GIGYF1: variants seen among roughly 807,000 people sequenced by gnomAD.
GIGYF1 encodes the protein GRB10-interacting GYF protein 1.
In GIGYF1, 84 loss-of-function variants were observed where a neutral mutation model predicts 147.1. The ratio of observed to expected loss-of-function variants is 0.57; its 90% confidence interval spans 0.48 to 0.68. GIGYF1 has a LOEUF of 0.68. Ranked by LOEUF, GIGYF1 falls within the 30% of genes least tolerant of loss-of-function variation. GIGYF1 has a pLI of 0.00. For synonymous variants in GIGYF1, 752 were observed against 589.5 expected, an observed-to-expected ratio of 1.28 and a Z score of -3.99; for missense variants, 1,485 against 1,393.7, an observed-to-expected ratio of 1.07 and a Z score of -1.04.
chr7:100,692,102 C>A (rs1447266298), intron 1 of GIGYF1, among the ~76,000 whole-genome samples: 1 of 152,258 alleles, frequency 6.6e-6, no homozygotes, highest in African/African-American at 2.4e-5. Flanking sequence ...ACTGGAACAA[C>A]CGCCCAGCCC....
chr7:100,684,576 G>T lies in GIGYF1; in HGVS notation c.1503C>A (p.Ala501=). The change falls in exon 16 of 27, where the codon GCC becomes GCA. Residue 501 remains alanine (A), a synonymous_variant. Transcript: ENST00000678049. ...TTQEMAEWFQ[A]GYFSMSLLVK... ...CCAGCAGTGACATGGAAAAGTAGCC[G>T]GCCTGGAACCACTCTGCCATCTCCT... 1 of 1,614,176 alleles carries T rather than the reference G, an allele frequency of 6.2e-7. No homozygotes were observed. Among genetic ancestry groups the T allele is most frequent in the Non-Finnish European group, 8.5e-7 (1 of 1,180,032 alleles).
chr7:100,692,828 A>T (rs1249064958), intron 1 of GIGYF1, among the ~76,000 whole-genome samples: 1 of 152,220 alleles, frequency 6.6e-6, no homozygotes, highest in East Asian at 1.9e-4. Flanking sequence ...GGGGACCAAG[A>T]CCTACAATCT....
rs1253024932 is a variant in GIGYF1, at chr7:100,681,018, CCAGAGA to C, written c.*695_*700del. On this transcript the variant is annotated 3_prime_UTR_variant, in exon 27 of 27. Coordinates refer to ENST00000678049, the MANE Select transcript of GIGYF1 (RefSeq NM_001375765.1). ...CTACTCGGCCAGCACAAGATGGCAG[CCAGAGA>C]GCTGGGGCCACTCGTCCAATTTGTG... 2 of 152,684 alleles carry C rather than the reference CCAGAGA, an allele frequency of 1.3e-5. No homozygotes were observed. The highest frequency in any genetic ancestry group is 2.9e-5 in the Non-Finnish European group (2 of 68,100). The allele number at this position is 152,684 out of a possible 1,614,324, so 9.5% of individuals were successfully genotyped here. A position where few individuals can be genotyped will look rare whatever the true frequency, so the allele number is the denominator to read the frequency against.
intron 1 of GIGYF1, among the ~76,000 whole-genome samples, chr7:100,690,781 C>CGA (rs1278735888): frequency 2.1e-5 from 2 of 93,606 alleles, no homozygotes; most frequent in African/African-American, 9.0e-5. Context: ...GACTCTGTCT[C>CGA]AAAAAAAAAA....
At chr7:100,683,503 G>C in intron 20 of GIGYF1, 47 bp downstream of exon 20, 1 of 1,613,512 alleles carries the variant, frequency 6.2e-7, no homozygotes, top group Non-Finnish European at 8.5e-7. Context: ...GGCCTGCCTC[G>C]GTCCACCCTT....
intron 6 of GIGYF1, 48 bp from the exon 7 acceptor site, chr7:100,687,664 C>A (rs1328701058): frequency 6.8e-7 from 1 of 1,479,756 alleles, no homozygotes; most frequent in East Asian, 2.4e-5. Flanking sequence ...CACCCAACCA[C>A]CTCCACCCCC....
At chr7:100,685,524 C>T in intron 12 of GIGYF1, 43 bp from the exon 13 acceptor site, 1 of 1,581,912 alleles carries the variant, frequency 6.3e-7, no homozygotes, top group Non-Finnish European at 8.5e-7. Context: ...AAGGGCTGGG[C>T]CTGCCACGCG....
rs1208190703 is a variant in GIGYF1 at position 100,683,081 on chromosome 7, G to A, written c.2343C>T (p.Gly781=). ...MKTLLELQLE[G]ERQLHKQPPP... is the part of the protein sequence containing the mutation. The stretch of plus-strand genomic sequence containing the variant: ...GGGGCTGTTTGTGCAGCTGCCGCTC[G>A]CCCTCCAGCTGCAACTCCAGGAGCG... Residue 781 remains glycine, a synonymous_variant, in exon 22 of 27, where the codon GGC becomes GGT. Transcript: ENST00000678049. The A allele has an allele frequency of 8.8e-6, 14 of 1,583,386 alleles. No individual in the cohort carries two copies. Among genetic ancestry groups the A allele is most frequent in the Admixed American group, 1.7e-5 (1 of 57,628 alleles).
At position 100,681,948 on chromosome 7, in the gene GIGYF1, T is replaced by G; in HGVS notation, c.2971A>C (p.Asn991His). Residue 991 changes from asparagine (N) to histidine (H), a missense_variant, in exon 26 of 27, where the codon AAC becomes CAC. Asn to His is a moderately conservative substitution (Grantham distance 68). Transcript: ENST00000678049. The part of the protein sequence containing the change: ...SASLQTAFQA[N>H]HSTKLGPGEG... ...CCGGGGCCGAGTTTGGTGCTGTGGT[T>G]GGCCTGGAAGGCCGTCTGCAGCGAG... 6.2e-7 allele frequency: 1 copy of G among 1,609,776 alleles called. No individual in the cohort carries two copies. The highest frequency in any genetic ancestry group is 8.5e-7 in the Non-Finnish European group (1 of 1,179,934).
At chr7:100,686,606 G>A (rs763187817) in intron 10 of GIGYF1, 43 bp downstream of exon 10, 4 of 1,570,202 alleles carry the variant, frequency 2.5e-6, no homozygotes, top group African/African-American at 1.4e-5. Context: ...TACAGTTCCT[G>A]CTCCCCACTG....
chr7:100,686,160 C>T lies in GIGYF1; in HGVS notation c.948+20G>A, dbSNP rs1421406730. 2.5e-6 allele frequency: 4 copies of T among 1,602,594 alleles called. No individual in the cohort carries two copies. The highest frequency in any genetic ancestry group is 8.5e-7 in the Non-Finnish European group (1 of 1,172,990). ...GGACCCCGGAAGGGCAGGTTCCCAC[C>T]CTCGCCTCCTCACAGATACCTTGAG... On this transcript the variant is annotated intron_variant, in intron 11 of 26. Transcript: ENST00000678049.
rs1343770700 is a variant in GIGYF1 at position 100,688,779 on chromosome 7, C to T, written c.-322G>A. On this transcript the variant is annotated 5_prime_UTR_variant, in exon 2 of 27. Coordinates refer to ENST00000678049, the MANE Select transcript of GIGYF1 (RefSeq NM_001375765.1). ...GACATGGCTCTGCCGGCAGCCCTGC[C>T]CTGCCCCGCATGACAGGAGAGGTCC... 1 of 277,514 alleles carries T rather than the reference C, an allele frequency of 3.6e-6. No individual in the cohort carries two copies. The highest frequency in any genetic ancestry group is 7.3e-6 in the Non-Finnish European group (1 of 136,236). 17.2% of individuals were successfully genotyped at this position (277,514 alleles called of 1,614,324 possible).
intron 1 of GIGYF1, among the ~76,000 whole-genome samples, chr7:100,690,252 C>A (rs1296841443): frequency 4.6e-5 from 7 of 152,214 alleles, no homozygotes; most frequent in Non-Finnish European, 1.0e-4. Context: ...TTCAAATCAG[C>A]CTCAGGAGAG....
In GIGYF1 at chr7:100,684,335, TC is replaced by T; in HGVS notation, c.1631del (p.Gly544GlufsTer8). On this transcript the variant is annotated frameshift_variant and splice_region_variant, in exon 17 of 27. Transcript: ENST00000678049. LOFTEE classifies it high-confidence loss of function. ...TCTTCAGCCGCTCCTGGTCCATGTTTCCCTGCTCAGGTGAGAGCTCGGCCAG... is the reference window on the plus strand; with the variant it reads ...TCTTCAGCCGCTCCTGGTCCATGTTTCCTGCTCAGGTGAGAGCTCGGCCAG... ...APGPSPPPLL[G>X]NMDQERLKKQ... is the part of the protein sequence containing the mutation. 1 of 1,596,348 alleles carries T rather than the reference TC, an allele frequency of 6.3e-7. No homozygotes were observed. The highest frequency in any genetic ancestry group is 1.7e-5 in the Admixed American group (1 of 57,396).
rs1340277664 is a variant in GIGYF1, at chr7:100,685,408, G to A, written c.1128C>T (p.Gly376=). 1.9e-6 allele frequency: 3 copies of A among 1,588,510 alleles called. No homozygotes were observed. The highest frequency in any genetic ancestry group is 4.5e-5 in the East Asian group (2 of 44,546). ...CATCCCCGTTTGTCCCCCAGAGTGG[G>A]CCCAGGGTGGGCAGTGGGGATGGGG... ...SSSPSPLPTL[G]PLWGTNGDGD... The change falls in exon 13 of 27, where the codon GGC becomes GGT. Residue 376 remains glycine (G), a synonymous_variant. Transcript: ENST00000678049.
rs1221260382 is a variant in GIGYF1 at position 100,681,701 on chromosome 7, G to A, written c.*18C>T. On this transcript the variant is annotated 3_prime_UTR_variant, in exon 27 of 27. Transcript: ENST00000678049. ...GGCTGCCCTGGCCTACAGCCCAGGG[G>A]CTGGGGGTCCGGGCTGGTCAGTAGT... is the stretch of plus-strand genomic sequence containing the variant. The A allele has an allele frequency of 2.0e-6, 3 of 1,537,584 alleles. No homozygotes were observed. Among genetic ancestry groups the A allele is most frequent in the African/African-American group, 1.4e-5 (1 of 72,674 alleles).
chr7:100,686,788 G>A lies in GIGYF1; in HGVS notation c.555C>T (p.Gly185=). The A allele has an allele frequency of 6.2e-7, 1 of 1,613,974 alleles. No homozygotes were observed. Among genetic ancestry groups the A allele is most frequent in the Non-Finnish European group, 8.5e-7 (1 of 1,180,002 alleles). Residue 185 remains glycine, a synonymous_variant, in exon 10 of 27, where the codon GGC becomes GGT. Transcript: ENST00000678049. Reference sequence around the variant, plus strand: ...CTGAGCGGGCGTGCTCCTTCCTTGGGCCAGCCCCTCCCTCCTCAAAGCCAC... The same window carrying A: ...CTGAGCGGGCGTGCTCCTTCCTTGGACCAGCCCCTCCCTCCTCAAAGCCAC... ...ARCGFEEGGA[G]PRKEHARSDS... is the part of the protein sequence containing the mutation.
At chr7:100,693,822 T>C (rs1806022783) in intron 1 of GIGYF1, 1 of 151,008 alleles carries the variant, frequency 6.6e-6, no homozygotes, top group Non-Finnish European at 1.5e-5. Context: ...GGGCGAGCGG[T>C]CGCCCCCTAA....
intron 1 of GIGYF1, among the ~76,000 whole-genome samples, chr7:100,690,781 C>CAAAAA (rs34194201): frequency 1.1e-5 from 1 of 93,604 alleles, no homozygotes. Context: ...GACTCTGTCT[C>CAAAAA]AAAAAAAAAA....
Sources: allele counts gnomAD v4.1 joint callset (sites outside exome capture counted in the v4.1 genomes callset), GRCh38; gene constraint gnomAD v4.1.1; transcripts MANE v1.5; gene names NCBI Gene and HGNC (gene_info 2026-07-23, HGNC 2026-07-21).